Variants in ZNF33B observed in about 807,000 individuals in gnomAD.
ZNF33B encodes zinc finger protein 11b (KOX 2).
A neutral mutation model predicts 45.8 loss-of-function variants in ZNF33B; 29 were observed. The ratio of observed to expected loss-of-function variants is 0.63; its 90% CI spans 0.47 to 0.86. The LOEUF (loss-of-function observed/expected upper bound fraction) is 0.86. Ranked by LOEUF, ZNF33B falls within the 40% of genes least tolerant of loss-of-function variation. ZNF33B has a pLI of 0.00. For synonymous variants in ZNF33B, 305 were observed against 307.8 expected, an observed-to-expected ratio of 0.99 and a Z score of 0.10; for missense variants, 831 against 909.9, an observed-to-expected ratio of 0.91 and a Z score of 1.12.
intron 2 of ZNF33B, among the ~76,000 whole-genome samples, chr10:42,635,277 G>T (rs1389200067): frequency 6.6e-6 from 1 of 151,956 alleles, no homozygotes; most frequent in Non-Finnish European, 1.5e-5. Context: ...TTATATTTGG[G>T]GCTTTGCAGG....
chr10:42,626,142 T>G (rs1452634316), intron 4 of ZNF33B, among the ~76,000 whole-genome samples: 1 of 152,372 alleles, frequency 6.6e-6, no homozygotes, highest in East Asian at 1.9e-4. Context: ...TGTTATATCA[T>G]TTTTCTTCTT....
chr10:42,583,247 GA>G, intron 1 of ZNF33B: 1 of 617,874 alleles, frequency 1.6e-6, no homozygotes, highest in East Asian at 3.1e-5. Context: ...AAAGGAGGGA[GA>G]CAAAAGTGAT....
intron 4 of ZNF33B, among the ~76,000 whole-genome samples, chr10:42,614,004 A>G (rs932024128): frequency 1.3e-5 from 2 of 152,124 alleles, no homozygotes; most frequent in African/African-American, 2.4e-5. Flanking sequence ...ATAAATCTCC[A>G]CTTCTTACGT....
chr10:42,636,829 C>CAAACA (rs1033042932), intron 2 of ZNF33B, 91 bp downstream of exon 2: 22 of 1,584,102 alleles, frequency 1.4e-5, no homozygotes, highest in Non-Finnish European at 1.8e-5. Flanking sequence ...CTCCATGTCA[C>CAAACA]AAACAAAACA....
At chr10:42,582,832 C>A (rs1836852229) in intron 1 of ZNF33B, 3 of 284,770 alleles carry the variant, frequency 1.1e-5, no homozygotes, top group South Asian at 1.1e-4. Flanking sequence ...AGCCCTGGGC[C>A]CCAGGTGAGT....
chr10:42,597,029 T>C (rs1301165415), intron 4 of ZNF33B, among the ~76,000 whole-genome samples: 1 of 152,126 alleles, frequency 6.6e-6, no homozygotes, highest in African/African-American at 2.4e-5. Context: ...TTCACAATTA[T>C]ATACAATGTC....
At chr10:42,610,371 A>C (rs1459205115) in intron 4 of ZNF33B, among the ~76,000 whole-genome samples, 1 of 152,112 alleles carries the variant, frequency 6.6e-6, no homozygotes, top group Non-Finnish European at 1.5e-5. Context: ...CCCTGTCTCT[A>C]CTAAAAATAC....
rs1419719718 is a variant in ZNF33B, at chr10:42,603,292, CACT to C, written c.251-8596_251-8594del. Among the ~76,000 whole-genome samples, 3 of 152,198 alleles carry C rather than the reference CACT, an allele frequency of 2.0e-5. No homozygotes were observed. The East Asian group carries it at 5.8e-4, about 29-fold the overall frequency. On this transcript the variant is annotated intron_variant, in intron 4 of 4. Coordinates refer to ENST00000359467, the MANE Select transcript of ZNF33B (RefSeq NM_006955.3). ...TTCCAAAACTCTCCTCCAGAAAACT[CACT>C]TTGTTCAGAACAGAGTTTGGGTGAG...
At chr10:42,587,492 C>G (rs1836959122), downstream of ZNF33B, among the ~76,000 whole-genome samples, 2 of 152,140 alleles carry the variant, frequency 1.3e-5, no homozygotes, top group African/African-American at 2.4e-5. Context: ...TCCCAAAGTG[C>G]TGGGATTTGT....
intron 2 of ZNF33B, among the ~76,000 whole-genome samples, chr10:42,635,635 C>T (rs1839261870): frequency 6.6e-6 from 1 of 150,998 alleles, no homozygotes; most frequent in African/African-American, 2.4e-5. Flanking sequence ...CATGGTGAAA[C>T]CCTGTCTCTA....
intron 1 of ZNF33B, among the ~76,000 whole-genome samples, chr10:42,581,244 T>G (rs1235532012): frequency 4.6e-5 from 7 of 151,622 alleles, no homozygotes; most frequent in Admixed American, 2.6e-4. Context: ...CCAGCGCTTT[T>G]GGAGGTTGAG....
intron 1 of ZNF33B, among the ~76,000 whole-genome samples, chr10:42,574,969 G>A (rs1260347112): frequency 6.6e-6 from 1 of 152,164 alleles, no homozygotes; most frequent in Non-Finnish European, 1.5e-5. Context: ...GAAACTGTCA[G>A]TTGGTAAGAG....
chr10:42,584,740 C>T (rs1162256159), downstream of ZNF33B, among the ~76,000 whole-genome samples: 3 of 152,178 alleles, frequency 2.0e-5, no homozygotes, highest in Non-Finnish European at 4.4e-5. Flanking sequence ...AAGCTGGTCT[C>T]AAACTCCTGA....
rs367845879 is a variant in ZNF33B at position 42,592,572 on chromosome 10, T to C, written c.*41A>G. ...CCACAGTGTGAAGACTCTGAGGCAT[T>C]ATGGAGGCTGACTTGTGGCTGGAAA... On this transcript the variant is annotated 3_prime_UTR_variant, in exon 5 of 5. Coordinates refer to ENST00000359467, the MANE Select transcript of ZNF33B (RefSeq NM_006955.3). The C allele has an allele frequency of 3.8e-6, 6 of 1,587,516 alleles. No homozygotes were observed. The highest frequency in any genetic ancestry group is 2.2e-5 in the East Asian group (1 of 44,788).
Position 42,589,449 on chromosome 10 carries a change from C to A in ZNF33B, c.*3164G>T, listed in dbSNP as rs1368362861. On this transcript the variant is annotated 3_prime_UTR_variant, in exon 5 of 5. Transcript: ENST00000359467. Reference sequence around the variant, plus strand: ...GTCCTAAAAATCACCTACCTGCCATCCCTCCTTTCCCCTCAACTCTCAGCA... The same window carrying A: ...GTCCTAAAAATCACCTACCTGCCATACCTCCTTTCCCCTCAACTCTCAGCA... 2 of 152,194 alleles carry A rather than the reference C, an allele frequency of 1.3e-5. No individual in the cohort carries two copies. Among genetic ancestry groups the A allele is most frequent in the African/African-American group, 4.8e-5 (2 of 41,442 alleles). 9.4% of individuals were successfully genotyped at this position (152,194 alleles called of 1,614,324 possible).
chr10:42,592,686 C>T lies in ZNF33B; in HGVS notation c.2264G>A (p.Arg755Lys). The change falls in exon 5 of 5, where the codon AGG becomes AAG. Residue 755 changes from arginine to lysine, a missense_variant. Coordinates refer to ENST00000359467, the MANE Select transcript of ZNF33B (RefSeq NM_006955.3). ...ATTTGACTTTTGAGAGAAGGTTTTC[C>T]TGCATGTGTTACATTCATAGGGCTT... ...GEKPYECNTC[R>K]KTFSQKSNLI... 6.2e-7 allele frequency: 1 copy of T among 1,614,028 alleles called. No individual in the cohort carries two copies. Among genetic ancestry groups the T allele is most frequent in the Admixed American group, 1.7e-5 (1 of 60,022 alleles).
intron 4 of ZNF33B, among the ~76,000 whole-genome samples, chr10:42,625,468 T>C (rs1405253853): frequency 6.6e-6 from 1 of 152,034 alleles, no homozygotes; most frequent in Non-Finnish European, 1.5e-5. Context: ...AGGTTTTCAT[T>C]TTGTTTTCTT....
chr10:42,638,268 A>G (rs1724882298), intron 1 of ZNF33B, among the ~76,000 whole-genome samples: 2 of 152,230 alleles, frequency 1.3e-5, no homozygotes, highest in Admixed American at 1.3e-4. Context: ...AGGGCAACGC[A>G]CAGGGCGTAG....
chr10:42,601,344 T>G (rs1224146524), intron 4 of ZNF33B, among the ~76,000 whole-genome samples: 1 of 152,106 alleles, frequency 6.6e-6, no homozygotes, highest in African/African-American at 2.4e-5. Flanking sequence ...ATTTGGAAAT[T>G]TTTTCATTAT....
Sources: allele counts gnomAD v4.1 joint callset (sites outside exome capture counted in the v4.1 genomes callset), GRCh38; gene constraint gnomAD v4.1.1; transcripts MANE v1.5; gene names NCBI Gene and HGNC (gene_info 2026-07-23, HGNC 2026-07-21).